Variants in RTTN observed in about 807,000 individuals in gnomAD.
The protein encoded by RTTN is rotatin.
In RTTN, 182 loss-of-function variants were observed where a neutral mutation model predicts 269.2. That is an observed-to-expected ratio of 0.68 (90% CI 0.60 to 0.76). The LOEUF is 0.76. Ranked by LOEUF, RTTN falls within the 30% of genes least tolerant of loss-of-function variation. The pLI is 0.00. For missense variants in RTTN, 2,545 were observed against 2,608.6 expected, an observed-to-expected ratio of 0.98 and a Z score of 0.53; for synonymous variants, 1,006 against 963.5, an observed-to-expected ratio of 1.04 and a Z score of -0.82.
intron 44 of RTTN, among the ~76,000 whole-genome samples, chr18:70,022,568 C>T (rs1355634788): frequency 6.6e-6 from 1 of 152,176 alleles, no homozygotes; most frequent in Non-Finnish European, 1.5e-5. Flanking sequence ...AAGAGTAGTA[C>T]ATTTTGGAAA....
intron 46 of RTTN, among the ~76,000 whole-genome samples, chr18:70,012,941 T>A (rs1306844292): frequency 3.9e-5 from 6 of 152,210 alleles, no homozygotes; most frequent in African/African-American, 1.2e-4. Flanking sequence ...TAAGGGATTT[T>A]AAATATTTAA....
At chr18:70,203,204 CTT>C (rs779044111) in intron 3 of RTTN, among the ~76,000 whole-genome samples, 1 of 145,630 alleles carries the variant, frequency 6.9e-6, no homozygotes. Flanking sequence ...AGAAAGTGTT[CTT>C]TTTTTTTTTT....
intron 43 of RTTN, among the ~76,000 whole-genome samples, chr18:70,026,137 G>A (rs1345887298): frequency 1.3e-5 from 2 of 151,958 alleles, no homozygotes; most frequent in Non-Finnish European, 2.9e-5. Flanking sequence ...TTTATTTTCT[G>A]CCCTGATGAT....
chr18:70,090,446 T>C (rs1232241122), intron 30 of RTTN, among the ~76,000 whole-genome samples: 1 of 152,210 alleles, frequency 6.6e-6, no homozygotes, highest in Non-Finnish European at 1.5e-5. Flanking sequence ...TATCTTATTG[T>C]ATTGCACTCA....
chr18:70,163,561 A>C (rs1458273528), intron 14 of RTTN, among the ~76,000 whole-genome samples: 1 of 152,186 alleles, frequency 6.6e-6, no homozygotes, highest in Non-Finnish European at 1.5e-5. Flanking sequence ...GTATATAAAC[A>C]ATTGCAAAAA....
In RTTN at chr18:70,166,111, A is replaced by G. The variant is rs201273368; in HGVS notation, c.1880T>C (p.Leu627Ser). The G allele has an allele frequency of 4.3e-5, 70 of 1,613,746 alleles. No homozygotes were observed. Among genetic ancestry groups the G allele is most frequent in the Admixed American group, 1.0e-4 (6 of 60,014 alleles). The change falls in exon 14 of 49, where the codon TTG (leucine) becomes TCG (serine). Residue 627 changes from leucine (L) to serine (S), a missense_variant. Transcript: ENST00000640769. ...GTAAGTTTCAGCTTTCACTCGTGGCAATGGGTGAGACAACATATGGAGAAG... is the reference window on the plus strand; with the variant it reads ...GTAAGTTTCAGCTTTCACTCGTGGCGATGGGTGAGACAACATATGGAGAAG... ...KVLLHMLSHP[L>S]PRVKAETYHC...
At chr18:70,066,386 A>G (rs2058134950) in intron 34 of RTTN, among the ~76,000 whole-genome samples, 1 of 152,230 alleles carries the variant, frequency 6.6e-6, no homozygotes, top group African/African-American at 2.4e-5. Flanking sequence ...ACCTCCTATC[A>G]AGGAAGAACA....
chr18:70,054,894 G>A (rs2057773555), intron 37 of RTTN, among the ~76,000 whole-genome samples: 1 of 151,994 alleles, frequency 6.6e-6, no homozygotes, highest in Admixed American at 6.6e-5. Context: ...GTGGAAAAGT[G>A]TATAACAAAG....
At chr18:70,132,717 G>C (rs894611883) in intron 23 of RTTN, among the ~76,000 whole-genome samples, 1 of 151,938 alleles carries the variant, frequency 6.6e-6, no homozygotes, top group Non-Finnish European at 1.5e-5. Flanking sequence ...CAGTAAGTTA[G>C]AAAATGAACA....
At position 70,114,486 on chromosome 18, in the gene RTTN, A is replaced by T; in HGVS notation, c.3642T>A (p.Leu1214=). Residue 1214 remains leucine (L), a synonymous_variant, in exon 27 of 49, where the codon CTT becomes CTA. Coordinates refer to ENST00000640769, the MANE Select transcript of RTTN (RefSeq NM_173630.4). ...RQQLQKELIA[L]FDTLLLNFME... ...TGAAATTGAGCAGCAAGGTATCAAA[A>T]AGAGCAATCAGTTCTTTCTGAAGTT... 1 of 1,613,410 alleles carries T rather than the reference A, an allele frequency of 6.2e-7. No individual in the cohort carries two copies. Among genetic ancestry groups the T allele is most frequent in the East Asian group, 2.2e-5 (1 of 44,848 alleles).
At chr18:70,171,091 T>C (rs2061131243) in intron 11 of RTTN, among the ~76,000 whole-genome samples, 2 of 152,168 alleles carry the variant, frequency 1.3e-5, no homozygotes, top group South Asian at 4.1e-4. Flanking sequence ...AAAAGGACAC[T>C]GGATACAGGT....
chr18:70,161,584 T>C (rs931253101), intron 14 of RTTN, among the ~76,000 whole-genome samples: 1 of 152,026 alleles, frequency 6.6e-6, no homozygotes, highest in African/African-American at 2.4e-5. Context: ...TGGGAGAAAA[T>C]ATTTGCAAAC....
chr18:70,104,434 C>T (rs2059265245), intron 28 of RTTN, among the ~76,000 whole-genome samples: 1 of 152,162 alleles, frequency 6.6e-6, no homozygotes, highest in Admixed American at 6.5e-5. Context: ...TGGGTTCGAA[C>T]ATCCTCCTTT....
chr18:70,115,606 A>G (rs2059584501), intron 26 of RTTN, among the ~76,000 whole-genome samples: 1 of 151,970 alleles, frequency 6.6e-6, no homozygotes, highest in Non-Finnish European at 1.5e-5. Flanking sequence ...AGATGGGAAC[A>G]TAGATTTATA....
At chr18:70,054,386 T>A (rs2057758912) in intron 37 of RTTN, 102 bp from the exon 38 acceptor site, 2 of 1,110,818 alleles carry the variant, frequency 1.8e-6, no homozygotes, top group Non-Finnish European at 2.5e-6. Context: ...AATAAAATAT[T>A]AACCATAATT....
intron 12 of RTTN, 40 bp from the exon 13 acceptor site, chr18:70,167,071 A>C: frequency 7.6e-7 from 1 of 1,310,622 alleles, no homozygotes; most frequent in Non-Finnish European, 1.1e-6. Flanking sequence ...TGTCAAGTTC[A>C]TGTGCAATGA....
rs2059744751 is a variant in RTTN at position 70,121,770 on chromosome 18, T to C, written c.3384-70A>G. 3.7e-6 allele frequency: 5 copies of C among 1,344,326 alleles called. No individual in the cohort carries two copies. The African/African-American group carries it at 4.6e-5, about 12-fold the overall frequency. 83.3% of individuals were successfully genotyped at this position (1,344,326 alleles called of 1,614,324 possible). A position where few individuals can be genotyped will look rare whatever the true frequency, so the allele number is the denominator to read the frequency against. On this transcript the variant is annotated intron_variant, in intron 25 of 48. Coordinates refer to ENST00000640769, the MANE Select transcript of RTTN (RefSeq NM_173630.4). ...ACACAATACCACTGTTCATCATAGA[T>C]ATGTGGACTTAACAGATGTCTTGTG...
intron 14 of RTTN, among the ~76,000 whole-genome samples, chr18:70,161,569 C>A (rs919836758): frequency 6.6e-6 from 1 of 152,084 alleles, no homozygotes; most frequent in African/African-American, 2.4e-5. Flanking sequence ...AAAAAGCCTA[C>A]AGAATGGGAG....
At chr18:70,074,593 T>C (rs1432137846) in intron 33 of RTTN, among the ~76,000 whole-genome samples, 1 of 152,016 alleles carries the variant, frequency 6.6e-6, no homozygotes, top group East Asian at 1.9e-4. Flanking sequence ...TGTGGCAAGA[T>C]GTAAATACTG....
Sources: gnomAD v4.1 joint callset for allele counts (sites outside exome capture counted in the v4.1 genomes callset) on GRCh38, gnomAD v4.1.1 for gene constraint, MANE v1.5 for transcripts, NCBI Gene and HGNC (gene_info 2026-07-23, HGNC 2026-07-21) for gene names.